SLC25A48: variants seen among roughly 807,000 people sequenced by gnomAD.
SLC25A48 encodes the protein CTC-321K16.1.
In SLC25A48, 29 loss-of-function variants were observed where a neutral mutation model predicts 32.2. That is an observed-to-expected ratio of 0.90 (90% CI 0.67 to 1.23). SLC25A48 has a LOEUF of 1.23. Among genes scored for constraint, SLC25A48 ranks in the 50% most tolerant of loss-of-function variants. The probability of loss-of-function intolerance (pLI) is 0.00; values close to 1 mark genes in which losing one functional copy is unlikely to be tolerated. For synonymous variants in SLC25A48, 164 were observed against 172.3 expected (o/e 0.95, Z 0.38); for missense variants, 399 against 422.7 (o/e 0.94, Z 0.49).
At chr5:135,734,515 G>C (rs1755304113) in intron 3 of SLC25A48, among the ~76,000 whole-genome samples, 1 of 152,060 alleles carries the variant, frequency 6.6e-6, no homozygotes, top group African/African-American at 2.4e-5. Flanking sequence ...TGTGGAGTTG[G>C]TAGCCTCCCT....
intron 3 of SLC25A48, 68 bp from the exon 4 acceptor site, chr5:135,852,495 G>T: frequency 8.5e-6 from 13 of 1,533,400 alleles, no homozygotes; most frequent in Non-Finnish European, 1.1e-5. Context: ...GGTGTACCCC[G>T]TCAGCCTGCA....
chr5:135,670,703 C>T (rs17168854), intron 3 of SLC25A48, among the ~76,000 whole-genome samples: 3,739 of 152,174 alleles, frequency 0.025, 147 homozygotes, highest in African/African-American at 0.079. Flanking sequence ...GGGTCTCACT[C>T]GGTAGAGCTG....
At chr5:135,839,247 C>T (rs1467936483) in intron 1 of SLC25A48, among the ~76,000 whole-genome samples, 2 of 152,154 alleles carry the variant, frequency 1.3e-5, no homozygotes, top group East Asian at 3.8e-4. Context: ...AGGCTGTACT[C>T]TGCAAAATCA....
chr5:135,736,162 A>G (rs1755355616), intron 3 of SLC25A48, among the ~76,000 whole-genome samples: 2 of 152,064 alleles, frequency 1.3e-5, no homozygotes, highest in Non-Finnish European at 2.9e-5. Context: ...GACAGGCAGG[A>G]GGGAAAGAAG....
At chr5:135,671,806 T>C (rs1173321764) in intron 3 of SLC25A48, 1 of 152,240 alleles carries the variant, frequency 6.6e-6, no homozygotes, top group Non-Finnish European at 1.5e-5. Flanking sequence ...AAATGAACCA[T>C]TTTAAAAATT....
At chr5:135,790,652 C>G (rs1002253909) in intron 3 of SLC25A48, among the ~76,000 whole-genome samples, 5 of 150,666 alleles carry the variant, frequency 3.3e-5, no homozygotes, top group African/African-American at 1.2e-4. Flanking sequence ...GGTGTACATC[C>G]TGTGTTATTA....
chr5:135,851,508 C>G (rs979839408), intron 3 of SLC25A48, among the ~76,000 whole-genome samples: 4 of 152,204 alleles, frequency 2.6e-5, no homozygotes, highest in African/African-American at 7.2e-5. Flanking sequence ...CATGGCTAAG[C>G]CACATCCCAA....
intron 3 of SLC25A48, among the ~76,000 whole-genome samples, chr5:135,721,619 G>T (rs1754957862): frequency 6.6e-6 from 1 of 152,176 alleles, no homozygotes; most frequent in Admixed American, 6.5e-5. Flanking sequence ...CTACCAGCTG[G>T]ATGGTGTGAG....
At chr5:135,617,500 G>A (rs904883914) in intron 1 of SLC25A48, among the ~76,000 whole-genome samples, 28 of 150,272 alleles carry the variant, frequency 1.9e-4, no homozygotes, top group Non-Finnish European at 3.7e-4. Context: ...ACTAATTCTC[G>A]GTTTGGTTTT....
At chr5:135,604,309 C>T (rs1751878885) in intron 1 of SLC25A48, among the ~76,000 whole-genome samples, 1 of 152,230 alleles carries the variant, frequency 6.6e-6, no homozygotes, top group African/African-American at 2.4e-5. Context: ...CAGGGCCAGC[C>T]TGGGCCAGGT....
intron 7 of SLC25A48, among the ~76,000 whole-genome samples, chr5:135,881,548 C>T (rs554417102): frequency 2.0e-5 from 3 of 152,330 alleles, no homozygotes; most frequent in South Asian, 2.1e-4. Flanking sequence ...ACACAGTTTA[C>T]ATAATTAAAC....
intron 1 of SLC25A48, among the ~76,000 whole-genome samples, chr5:135,837,114 A>G (rs1232543854): frequency 3.3e-5 from 5 of 152,046 alleles, no homozygotes; most frequent in African/African-American, 1.2e-4. Context: ...AATAAGTGGC[A>G]GGGAGATGTT....
intron 1 of SLC25A48, among the ~76,000 whole-genome samples, chr5:135,598,696 G>GAC (rs199799812): frequency 2.7e-4 from 41 of 152,198 alleles, no homozygotes; most frequent in South Asian, 6.2e-4. Flanking sequence ...CATAAAGAGG[G>GAC]ACACACACAC....
chr5:135,757,823 C>A (rs1175311176), intron 3 of SLC25A48, among the ~76,000 whole-genome samples: 1 of 149,934 alleles, frequency 6.7e-6, no homozygotes, highest in East Asian at 2.0e-4. Flanking sequence ...AATAAAATAT[C>A]TATATGAAAT....
intron 3 of SLC25A48, among the ~76,000 whole-genome samples, chr5:135,722,053 C>A (rs1256941529): frequency 2.0e-5 from 3 of 152,238 alleles, no homozygotes; most frequent in Non-Finnish European, 2.9e-5. Context: ...GCTCTCTGGA[C>A]TCCATGTTGT....
At position 135,834,788 on chromosome 5, in the gene SLC25A48, C is replaced by A. The variant is rs556773422; in HGVS notation, c.-60C>A. 1.3e-6 allele frequency: 2 copies of A among 1,505,214 alleles called. No individual in the cohort carries two copies. The highest frequency in any genetic ancestry group is 2.4e-5 in the East Asian group (1 of 41,466). The allele number at this position is 1,505,214 out of a possible 1,614,324, so 93.2% of individuals were successfully genotyped here. ...GGCGCGCTCGCGCCCGCGGGCCATG[C>A]CCCACTGACTCTAAGTGGGCACTGC... is the stretch of plus-strand genomic sequence containing the variant. On this transcript the variant is annotated 5_prime_UTR_variant, in exon 1 of 8. Transcript: ENST00000681962.
intron 1 of SLC25A48, among the ~76,000 whole-genome samples, chr5:135,617,138 C>G (rs112850871): frequency 2.0e-5 from 3 of 152,032 alleles, no homozygotes; most frequent in African/African-American, 7.3e-5. Flanking sequence ...TCTCATTATT[C>G]ATTACTGGTC....
intron 3 of SLC25A48, among the ~76,000 whole-genome samples, chr5:135,792,639 A>G (rs1045882192): frequency 1.3e-5 from 2 of 151,734 alleles, no homozygotes; most frequent in African/African-American, 4.8e-5. Flanking sequence ...ATTATTCGTA[A>G]CATCCCCGGG....
At chr5:135,746,127 C>G (rs1755633578) in intron 3 of SLC25A48, 1 of 152,926 alleles carries the variant, frequency 6.5e-6, no homozygotes, top group East Asian at 1.9e-4. Context: ...CCCCACTCCT[C>G]TCCGTATACA....
Sources: gnomAD v4.1 joint callset for allele counts (sites outside exome capture counted in the v4.1 genomes callset) on GRCh38, gnomAD v4.1.1 for gene constraint, MANE v1.5 for transcripts, NCBI Gene and HGNC (gene_info 2026-07-23, HGNC 2026-07-21) for gene names.